Variants in RUNX2 observed in about 807,000 individuals in gnomAD.
The protein encoded by RUNX2 is runt-related transcription factor 2.
In RUNX2, 10 loss-of-function variants were observed where a neutral mutation model predicts 51.7. That is an observed-to-expected ratio of 0.19 (90% CI 0.12 to 0.33). RUNX2 has a LOEUF of 0.33. Ranked by LOEUF, RUNX2 falls within the 10% of genes least tolerant of loss-of-function variation. RUNX2 has a pLI of 1.00. For missense variants in RUNX2, 562 were observed against 691.3 expected (o/e 0.81, Z 2.10); for synonymous variants, 276 against 273.6 (o/e 1.01, Z -0.09).
At chr6:45,509,565 T>G (rs1488276639) in intron 6 of RUNX2, among the ~76,000 whole-genome samples, 1 of 152,204 alleles carries the variant, frequency 6.6e-6, no homozygotes, top group Non-Finnish European at 1.5e-5. Context: ...CTATATTCAC[T>G]TTTCTGTATT....
chr6:45,354,630 T>TACAC (rs35189031), intron 2 of RUNX2, among the ~76,000 whole-genome samples: 17 of 149,810 alleles, frequency 1.1e-4, no homozygotes, highest in African/African-American at 2.9e-4. Context: ...CACGCACACA[T>TACAC]ACACACACAC....
At chr6:45,543,776 T>C (rs1184644382) in intron 7 of RUNX2, among the ~76,000 whole-genome samples, 3 of 152,084 alleles carry the variant, frequency 2.0e-5, no homozygotes, top group East Asian at 3.8e-4. Context: ...CCTGAGTTCA[T>C]GTACAAAACA....
chr6:45,351,135 G>C (rs1452650422), intron 2 of RUNX2, among the ~76,000 whole-genome samples: 1 of 152,024 alleles, frequency 6.6e-6, no homozygotes, highest in Non-Finnish European at 1.5e-5. Flanking sequence ...CACGAAACTG[G>C]TCCCTGCTGC....
chr6:45,455,111 A>AG (rs1339549542), intron 5 of RUNX2, among the ~76,000 whole-genome samples: 3 of 152,192 alleles, frequency 2.0e-5, no homozygotes, highest in Non-Finnish European at 4.4e-5. Context: ...GACTTTGGGA[A>AG]GAAAAAAAAG....
At chr6:45,439,488 T>C (rs533816550) in intron 5 of RUNX2, among the ~76,000 whole-genome samples, 1 of 152,278 alleles carries the variant, frequency 6.6e-6, no homozygotes, top group East Asian at 1.9e-4. Context: ...TCTTCTAACT[T>C]TTGGTCAGAC....
chr6:45,531,762 A>G (rs76127703), intron 7 of RUNX2, among the ~76,000 whole-genome samples: 4 of 151,800 alleles, frequency 2.6e-5, no homozygotes, highest in Non-Finnish European at 4.4e-5. Flanking sequence ...AAAAAAAAAC[A>G]AAACTCAAAA....
chr6:45,457,684 T>C (rs925303311), intron 5 of RUNX2, among the ~76,000 whole-genome samples: 1 of 152,184 alleles, frequency 6.6e-6, no homozygotes, highest in East Asian at 1.9e-4. Context: ...AAGCAGCCTT[T>C]CTAGTGTGAC....
chr6:45,509,846 G>A (rs1351671211), intron 6 of RUNX2, among the ~76,000 whole-genome samples: 2 of 152,186 alleles, frequency 1.3e-5, no homozygotes, highest in Non-Finnish European at 2.9e-5. Context: ...CGGATGACTT[G>A]TTGCAGGAGA....
intron 3 of RUNX2, among the ~76,000 whole-genome samples, chr6:45,427,335 C>T (rs920125393): frequency 4.6e-5 from 7 of 151,994 alleles, no homozygotes; most frequent in Admixed American, 1.3e-4. Context: ...CACCATGATA[C>T]ATGGCCCACA....
intron 2 of RUNX2, among the ~76,000 whole-genome samples, chr6:45,357,485 T>C (rs973234559): frequency 1.3e-5 from 2 of 151,908 alleles, no homozygotes; most frequent in Non-Finnish European, 2.9e-5. Context: ...GCCCAGATAA[T>C]TGCTTTTAAT....
At chr6:45,484,353 G>A (rs187405536) in intron 5 of RUNX2, among the ~76,000 whole-genome samples, 1 of 152,240 alleles carries the variant, frequency 6.6e-6, no homozygotes, top group East Asian at 1.9e-4. Flanking sequence ...CAGAAGAGAA[G>A]CTGGTTGGGA....
At chr6:45,379,094 A>G (rs1797153418) in intron 2 of RUNX2, among the ~76,000 whole-genome samples, 1 of 152,130 alleles carries the variant, frequency 6.6e-6, no homozygotes, top group South Asian at 2.1e-4. Flanking sequence ...TTATTTGGTT[A>G]TTTCCTCTGT....
intron 2 of RUNX2, among the ~76,000 whole-genome samples, chr6:45,402,988 CA>C (rs1306052761): frequency 6.6e-6 from 1 of 152,010 alleles, no homozygotes; most frequent in East Asian, 1.9e-4. Flanking sequence ...ACATATATAG[CA>C]AAAACATTTT....
At chr6:45,387,849 T>C (rs1797384582) in intron 2 of RUNX2, among the ~76,000 whole-genome samples, 1 of 152,174 alleles carries the variant, frequency 6.6e-6, no homozygotes, top group Admixed American at 6.5e-5. Context: ...CAGGATTAAT[T>C]GGACTTAGCC....
intron 7 of RUNX2, among the ~76,000 whole-genome samples, chr6:45,513,058 A>G (rs1280838273): frequency 6.6e-6 from 1 of 152,240 alleles, no homozygotes; most frequent in African/African-American, 2.4e-5. Flanking sequence ...AAGGCACCAC[A>G]GAAATGTGTG....
At chr6:45,538,852 G>C (rs552584184) in intron 7 of RUNX2, among the ~76,000 whole-genome samples, 1 of 152,142 alleles carries the variant, frequency 6.6e-6, no homozygotes. Flanking sequence ...GATGTGACAG[G>C]GCAGTCATAT....
intron 7 of RUNX2, among the ~76,000 whole-genome samples, chr6:45,533,662 G>T (rs1057183288): frequency 1.5e-4 from 23 of 152,164 alleles, no homozygotes; most frequent in African/African-American, 5.5e-4. Flanking sequence ...AGGATAGCAG[G>T]AAGACTCTTG....
At chr6:45,522,448 C>A (rs191211297) in intron 7 of RUNX2, among the ~76,000 whole-genome samples, 10,076 of 151,856 alleles carry the variant, frequency 0.066, 636 homozygotes, top group African/African-American at 0.17. Flanking sequence ...AAAAAAACAA[C>A]AATCCCATTC....
chr6:45,362,192 T>C (rs930799027), intron 2 of RUNX2, among the ~76,000 whole-genome samples: 3 of 152,230 alleles, frequency 2.0e-5, no homozygotes, highest in Non-Finnish European at 4.4e-5. Context: ...CTAGATTTAA[T>C]AGCAGATCAT....
Sources: allele counts gnomAD v4.1 joint callset (sites outside exome capture counted in the v4.1 genomes callset), GRCh38; gene constraint gnomAD v4.1.1; transcripts MANE v1.5; gene names NCBI Gene and HGNC (gene_info 2026-07-23, HGNC 2026-07-21).